GCLC: variants seen among roughly 807,000 people sequenced by gnomAD.
GCLC encodes glutamate--cysteine ligase catalytic subunit.
GCLC carries 30 observed loss-of-function variants against 81.5 expected under a neutral mutation model. The ratio of observed to expected loss-of-function variants is 0.37; its 90% confidence interval spans 0.28 to 0.50. The LOEUF is 0.50. Ranked by LOEUF, GCLC falls within the 20% of genes least tolerant of loss-of-function variation. GCLC has a pLI of 0.96. For synonymous variants in GCLC, 262 were observed against 273.3 expected (o/e 0.96, Z 0.41); for missense variants, 556 against 777.4 (o/e 0.72, Z 3.39).
intron 1 of GCLC, among the ~76,000 whole-genome samples, chr6:53,543,724 C>CA (rs1763398203): frequency 1.3e-5 from 2 of 152,256 alleles, no homozygotes; most frequent in South Asian, 4.1e-4. Context: ...AACATTGCTG[C>CA]ATTCCAGATC....
Position 53,498,805 on chromosome 6 carries a change from G to C in GCLC, c.1865C>G (p.Ala622Gly). Residue 622 changes from alanine to glycine, a missense_variant, in exon 16 of 16, where the codon GCA becomes GGA. Around this residue, in one of 3 missense-constraint regions of GCLC, gnomAD observed 313 missense variants for 437.3 expected, o/e 0.72. Transcript: ENST00000650454. ...TCCACTATATTTTACTTTCCTAAAT[G>C]CTGATCCAAGTAACTCTGGGCATTC... ...LCECPELLGSAFRKVKYSGSK... is the reference protein window; with the variant it reads ...LCECPELLGSGFRKVKYSGSK... The C allele has an allele frequency of 1.2e-6, 2 of 1,613,268 alleles. No homozygotes were observed. Among genetic ancestry groups the C allele is most frequent in the Non-Finnish European group, 8.5e-7 (1 of 1,179,270 alleles).
chr6:53,502,559 T>C (rs1236626501), intron 12 of GCLC, among the ~76,000 whole-genome samples: 2 of 152,232 alleles, frequency 1.3e-5, no homozygotes, highest in Non-Finnish European at 2.9e-5. Context: ...TGGAAGAATA[T>C]ATAAAACTGC....
In GCLC at chr6:53,545,099, C is replaced by T. The variant is rs1369581147; in HGVS notation, c.-454G>A. ...TCTTTGCGTCCGCTAGCTCGCCGCT[C>T]CTGGGCGCGATCCTGCGCTCCAGGT... is the stretch of plus-strand genomic sequence containing the variant. On this transcript the variant is annotated 5_prime_UTR_variant, in exon 1 of 16. Transcript: ENST00000650454. 1 of 154,042 alleles carries T rather than the reference C, an allele frequency of 6.5e-6. No homozygotes were observed. Among genetic ancestry groups the T allele is most frequent in the Admixed American group, 6.5e-5 (1 of 15,314 alleles). The allele number at this position is 154,042 out of a possible 1,614,324, so 9.5% of individuals were successfully genotyped here. A position where few individuals can be genotyped will look rare whatever the true frequency, so the allele number is the denominator to read the frequency against.
chr6:53,511,200 G>T (rs1300442356), intron 6 of GCLC, among the ~76,000 whole-genome samples: 1 of 100,656 alleles, frequency 9.9e-6, no homozygotes, highest in Non-Finnish European at 1.9e-5. Context: ...AAAAAAAAAA[G>T]TGGGGGGGGG....
intron 2 of GCLC, among the ~76,000 whole-genome samples, chr6:53,521,167 T>C (rs1762984632): frequency 6.6e-6 from 1 of 152,162 alleles, no homozygotes; most frequent in African/African-American, 2.4e-5. Context: ...ATGTTTTTTT[T>C]CTTTTGAGAC....
chr6:53,523,037 TA>T, intron 1 of GCLC, among the ~76,000 whole-genome samples: 1 of 152,224 alleles, frequency 6.6e-6, no homozygotes. Context: ...ATCATAATCA[TA>T]AATATACCGT....
chr6:53,528,217 A>T (rs1156461142), intron 1 of GCLC, among the ~76,000 whole-genome samples: 1 of 152,210 alleles, frequency 6.6e-6, no homozygotes, highest in Non-Finnish European at 1.5e-5. Context: ...AAAGTAGAAA[A>T]CTGAATATGA....
intron 3 of GCLC, among the ~76,000 whole-genome samples, chr6:53,519,867 A>T (rs1762957005): frequency 6.6e-6 from 1 of 152,104 alleles, no homozygotes; most frequent in Non-Finnish European, 1.5e-5. Context: ...GTTACAGTAG[A>T]GATATAAAAA....
At chr6:53,523,662 C>A (rs1280735793) in intron 1 of GCLC, among the ~76,000 whole-genome samples, 1 of 152,220 alleles carries the variant, frequency 6.6e-6, no homozygotes, top group African/African-American at 2.4e-5. Context: ...GGGGTGCACA[C>A]TGTCTGCAGT....
intron 1 of GCLC, among the ~76,000 whole-genome samples, chr6:53,524,507 T>C (rs972357198): frequency 6.6e-6 from 1 of 152,164 alleles, no homozygotes; most frequent in African/African-American, 2.4e-5. Flanking sequence ...GTTACAGTCA[T>C]AGATTTTAAC....
intron 7 of GCLC, 97 bp downstream of exon 7, chr6:53,509,079 T>TAATATAAGTCTATTTAAGTC (rs1428251622): frequency 1.3e-6 from 1 of 777,120 alleles, no homozygotes; most frequent in Non-Finnish European, 2.3e-6. Flanking sequence ...GACTGAGGTC[T>TAATATAAGTCTATTTAAGTC]TAACTGGACT....
chr6:53,505,929 T>G (rs1194625508), intron 10 of GCLC, 34 bp from the exon 11 acceptor site: 1 of 1,174,538 alleles, frequency 8.5e-7, no homozygotes, highest in Non-Finnish European at 1.3e-6. Flanking sequence ...AAACCAACTT[T>G]TCACACATCC....
intron 2 of GCLC, among the ~76,000 whole-genome samples, chr6:53,521,798 C>T (rs1011922116): frequency 1.5e-4 from 23 of 152,104 alleles, no homozygotes; most frequent in Admixed American, 1.1e-3. Context: ...ACGGTGAAAC[C>T]CCCGTCTCTA....
chr6:53,541,157 C>A (rs138867669), intron 1 of GCLC, among the ~76,000 whole-genome samples: 109 of 152,152 alleles, frequency 7.2e-4, no homozygotes, highest in African/African-American at 2.5e-3. Flanking sequence ...GCGGAGGTTG[C>A]GGTGAGCCGA....
chr6:53,499,245 AG>A (rs1191678745), intron 15 of GCLC, among the ~76,000 whole-genome samples: 1 of 152,160 alleles, frequency 6.6e-6, no homozygotes, highest in Non-Finnish European at 1.5e-5. Flanking sequence ...CCAGCTCTTA[AG>A]GAACAGGAGC....
At chr6:53,532,985 T>C (rs1763198422) in intron 1 of GCLC, among the ~76,000 whole-genome samples, 3 of 152,116 alleles carry the variant, frequency 2.0e-5, no homozygotes, top group East Asian at 3.9e-4. Flanking sequence ...AACATACCAA[T>C]CTAAATAACC....
At chr6:53,519,407 G>A (rs1231314643) in intron 3 of GCLC, among the ~76,000 whole-genome samples, 1 of 151,648 alleles carries the variant, frequency 6.6e-6, no homozygotes, top group Non-Finnish European at 1.5e-5. Flanking sequence ...CTGGAACCTT[G>A]GACATCCCAC....
At chr6:53,531,523 T>A (rs1226188633) in intron 1 of GCLC, among the ~76,000 whole-genome samples, 1 of 152,180 alleles carries the variant, frequency 6.6e-6, no homozygotes, top group Non-Finnish European at 1.5e-5. Flanking sequence ...CTAAAGAGCA[T>A]TAGGACCAAT....
At chr6:53,532,699 T>C (rs1017722350) in intron 1 of GCLC, among the ~76,000 whole-genome samples, 4 of 152,160 alleles carry the variant, frequency 2.6e-5, no homozygotes, top group Non-Finnish European at 4.4e-5. Context: ...CCTTAGAGTC[T>C]GAATTCTGCT....
Sources: allele counts gnomAD v4.1 joint callset (sites outside exome capture counted in the v4.1 genomes callset), GRCh38; gene constraint gnomAD v4.1.1; regional missense constraint gnomAD v4.1.1; transcripts MANE v1.5; gene names NCBI Gene and HGNC (gene_info 2026-07-23, HGNC 2026-07-21).